GPR89B: variants seen among roughly 807,000 people sequenced by gnomAD.
GPR89B encodes golgi pH regulator B.
Under a neutral mutation model 52.4 loss-of-function variants are expected in GPR89B, and 25 were observed. That is an observed-to-expected ratio of 0.48 (90% confidence interval 0.35 to 0.67). The LOEUF is 0.67. Among genes scored for constraint, GPR89B ranks in the 30% least tolerant of loss-of-function variants. The pLI, the probability that GPR89B is intolerant of heterozygous loss-of-function variation, is 0.01. For synonymous variants in GPR89B, 52 were observed against 151.2 expected (o/e 0.34, Z 4.81); for missense variants, 146 against 450.2 (o/e 0.32, Z 6.11).
the GPR89B span, among the ~76,000 whole-genome samples, chr1:148,005,867 C>A: frequency 6.6e-6 from 1 of 151,894 alleles, no homozygotes; most frequent in Non-Finnish European, 1.5e-5. Flanking sequence ...CTGATAAATT[C>A]CAATGTACCA....
chr1:147,956,419 T>G (rs1656117196), intron 7 of GPR89B, among the ~76,000 whole-genome samples: 1 of 152,284 alleles, frequency 6.6e-6, no homozygotes, highest in South Asian at 2.1e-4. Context: ...TTTTTTCTAT[T>G]TCTATGAAAA....
chr1:147,962,739 A>T (rs1269665698), intron 7 of GPR89B, among the ~76,000 whole-genome samples: 3 of 151,764 alleles, frequency 2.0e-5, no homozygotes, highest in Non-Finnish European at 4.4e-5. Context: ...TCTACTAAAA[A>T]TACAAAAAAT....
At chr1:147,951,509 T>G (rs1273736915) in intron 5 of GPR89B, among the ~76,000 whole-genome samples, 1 of 151,998 alleles carries the variant, frequency 6.6e-6, no homozygotes, top group Non-Finnish European at 1.5e-5. Flanking sequence ...AGATGGGGGT[T>G]GGTAACTAGA....
At chr1:147,950,138 G>A (rs1354567171) in intron 5 of GPR89B, among the ~76,000 whole-genome samples, 6 of 150,678 alleles carry the variant, frequency 4.0e-5, no homozygotes, top group Admixed American at 2.6e-4. Context: ...CTTCCCAGAC[G>A]GGGTGGCTGC....
intron 5 of GPR89B, among the ~76,000 whole-genome samples, chr1:147,951,223 TTAGG>T (rs1409340825): frequency 1.3e-5 from 2 of 151,496 alleles, no homozygotes; most frequent in African/African-American, 2.4e-5. Flanking sequence ...ATCTGTAAAA[TTAGG>T]TTTTCAATAA....
downstream of GPR89B, chr1:147,994,128 G>T (rs1384289756): frequency 6.9e-6 from 7 of 1,007,460 alleles, no homozygotes; most frequent in East Asian, 1.3e-4. Context: ...TGCAATAGCC[G>T]CCTGTAAGAC....
chr1:147,935,443 A>G (rs1258086966), intron 1 of GPR89B, among the ~76,000 whole-genome samples: 1 of 152,218 alleles, frequency 6.6e-6, no homozygotes, highest in Non-Finnish European at 1.5e-5. Flanking sequence ...AGAAAAGAGT[A>G]GTTGTGTCAG....
chr1:148,019,827 C>T, the GPR89B span, among the ~76,000 whole-genome samples: 1 of 151,916 alleles, frequency 6.6e-6, no homozygotes, highest in Non-Finnish European at 1.5e-5. Flanking sequence ...CGACCAGGGC[C>T]AGGTGAAGAG....
At chr1:147,972,186 C>T (rs1277334441) in intron 10 of GPR89B, among the ~76,000 whole-genome samples, 4 of 148,746 alleles carry the variant, frequency 2.7e-5, no homozygotes, top group South Asian at 4.3e-4. Flanking sequence ...GTAGTGTTTC[C>T]GTGGTTTGGA....
intron 5 of GPR89B, among the ~76,000 whole-genome samples, chr1:147,950,352 C>G (rs1355295788): frequency 6.6e-6 from 1 of 151,000 alleles, no homozygotes; most frequent in East Asian, 2.0e-4. Flanking sequence ...CGGGCAGAGA[C>G]GCTCCTCACT....
At position 147,951,283 on chromosome 1, in the gene GPR89B, T is replaced by C. The variant is rs199670902; in HGVS notation, c.416-2062T>C. ...TATGAGGGTTAAATGAATTAGAACA[T>C]GTGAAATGCTTAGAACAGTGCCTAG... On this transcript the variant is annotated intron_variant, in intron 5 of 13. Transcript: ENST00000314163. 7.9e-3 allele frequency among the ~76,000 whole-genome samples: 1,194 copies of C among 152,038 alleles called. 24 individuals carry two copies. The highest frequency in any genetic ancestry group is 0.046 in the East Asian group (240 of 5,178).
Position 147,943,454 on chromosome 1 carries a change from T to C in GPR89B, c.223T>C (p.Trp75Arg), listed in dbSNP as rs1553249207. Residue 75 changes from tryptophan (W) to arginine (R), a missense_variant, in exon 4 of 14, where the codon TGG becomes CGG. Coordinates refer to ENST00000314163, the MANE Select transcript of GPR89B (RefSeq NM_016334.5). The part of the protein sequence containing the change: ...VLNSSSRYFH[W>R]KMNLCVILLI... ...TTATTTCAGCTCCCGTTATTTTCAC[T>C]GGAAAATGAACCTGTGTGTAATTCT... 1 of 1,611,302 alleles carries C rather than the reference T, an allele frequency of 6.2e-7. No homozygotes were observed. Among genetic ancestry groups the C allele is most frequent in the African/African-American group, 1.3e-5 (1 of 74,716 alleles).
At position 147,953,016 on chromosome 1, in the gene GPR89B, C is replaced by T. The variant is rs1164589429; in HGVS notation, c.416-329C>T. Among the ~76,000 whole-genome samples, 39 of 148,648 alleles carry T rather than the reference C, an allele frequency of 2.6e-4. 1 individual carries two copies. The South Asian group carries it at 5.3e-3, about 20-fold the overall frequency. On this transcript the variant is annotated intron_variant, in intron 5 of 13. Coordinates refer to ENST00000314163, the MANE Select transcript of GPR89B (RefSeq NM_016334.5). ...TTCTTAGTTTTTTTTTTTTTTTGGC[C>T]GATGCTTTTACTAAAAGTACTTTGC... is the stretch of plus-strand genomic sequence containing the variant.
chr1:147,935,815 G>C (rs1361006423), intron 1 of GPR89B, among the ~76,000 whole-genome samples: 3 of 152,032 alleles, frequency 2.0e-5, no homozygotes, highest in African/African-American at 7.3e-5. Flanking sequence ...GCTCACTGCA[G>C]CCTCAACTTC....
intron 1 of GPR89B, 80 bp from the exon 2 acceptor site, chr1:147,936,546 AC>A (rs1553247913): frequency 3.4e-6 from 3 of 876,130 alleles, no homozygotes; most frequent in African/African-American, 3.3e-5. Context: ...TAGTTAGCAG[AC>A]CTTTTATCAT....
At chr1:148,013,018 G>T in the GPR89B span, among the ~76,000 whole-genome samples, 1 of 152,052 alleles carries the variant, frequency 6.6e-6, no homozygotes, top group Non-Finnish European at 1.5e-5. Flanking sequence ...GTTAAAAATA[G>T]ACAATACTGA....
the GPR89B span, among the ~76,000 whole-genome samples, chr1:148,001,815 G>T: frequency 1.3e-5 from 2 of 151,564 alleles, no homozygotes; most frequent in South Asian, 4.2e-4. Context: ...ATATTAAAAG[G>T]CTGCAAGTTC....
chr1:147,962,400 G>T (rs1206741820), intron 7 of GPR89B, among the ~76,000 whole-genome samples: 1 of 150,352 alleles, frequency 6.7e-6, no homozygotes, highest in African/African-American at 2.5e-5. Context: ...CTCCAGCCTG[G>T]GTGACAGAGC....
chr1:147,947,868 A>ATT (rs1655112300), intron 5 of GPR89B, among the ~76,000 whole-genome samples: 1 of 152,026 alleles, frequency 6.6e-6, no homozygotes, highest in Non-Finnish European at 1.5e-5. Flanking sequence ...AAGGGGTTGC[A>ATT]AATTCAAGAG....
Sources: gnomAD v4.1 joint callset for allele counts (sites outside exome capture counted in the v4.1 genomes callset) on GRCh38, gnomAD v4.1.1 for gene constraint, MANE v1.5 for transcripts, NCBI Gene and HGNC (gene_info 2026-07-23, HGNC 2026-07-21) for gene names.